Variants in AATK observed in about 807,000 individuals in gnomAD.
The protein encoded by AATK is lemur tail kinase 1.
In AATK, 91 loss-of-function variants were observed where a neutral mutation model predicts 114.3. The observed-to-expected ratio is 0.80, with a 90% CI of 0.67 to 0.95. The LOEUF (loss-of-function observed/expected upper bound fraction) is 0.95. Among genes scored for constraint, AATK ranks in the 40% least tolerant of loss-of-function variants. The pLI is 0.00. For synonymous variants in AATK, 1,075 were observed against 916.5 expected (o/e 1.17, Z -3.12); for missense variants, 2,176 against 1,965.2 (o/e 1.11, Z -2.03).
At chr17:81,119,705 G>C (rs8067526) in intron 12 of AATK, 125 bp from the exon 13 acceptor site, 42,010 of 778,006 alleles carry the variant, frequency 0.054, 2,085 homozygotes, top group African/African-American at 0.21. Context: ...CGCCTCCCAT[G>C]ATGTCACGGG....
intron 2 of AATK, among the ~76,000 whole-genome samples, chr17:81,133,878 G>T (rs925334818): frequency 2.0e-5 from 3 of 152,154 alleles, no homozygotes; most frequent in African/African-American, 7.2e-5. Flanking sequence ...AAGATACCCC[G>T]CGCAAGGTGA....
chr17:81,130,411 G>A (rs932591434), intron 3 of AATK, among the ~76,000 whole-genome samples: 1 of 152,180 alleles, frequency 6.6e-6, no homozygotes, highest in African/African-American at 2.4e-5. Flanking sequence ...TCCGCCCCAT[G>A]TGAGTGGTCG....
intron 1 of AATK, among the ~76,000 whole-genome samples, chr17:81,158,957 C>A (rs1318428197): frequency 6.6e-6 from 1 of 152,204 alleles, no homozygotes; most frequent in East Asian, 1.9e-4. Context: ...ACAGCGAAAA[C>A]CTCAGGGCCC....
chr17:81,148,132 G>A, intron 1 of AATK, among the ~76,000 whole-genome samples: 1 of 150,830 alleles, frequency 6.6e-6, no homozygotes, highest in Non-Finnish European at 1.5e-5. Flanking sequence ...AGCGTGAAGA[G>A]TTTGTCTTGG....
Position 81,120,936 on chromosome 17 carries a change from G to C in AATK, c.3000C>G (p.Asp1000Glu). The C allele has an allele frequency of 6.2e-7, 1 of 1,606,164 alleles. No individual in the cohort carries two copies. Residue 1000 changes from aspartate to glutamate, a missense_variant, in exon 11 of 14, where the codon GAC becomes GAG. Coordinates refer to ENST00000326724, the MANE Select transcript of AATK (RefSeq NM_001080395.3). ...NPYRDSAYFS[D>E]LEAEAEATSG... The stretch of plus-strand genomic sequence containing the variant: ...AGGTGGCCTCGGCCTCAGCCTCGAG[G>C]TCTGAGAAGTAGGCAGAGTCTCGGT...
rs777488225 is a variant in AATK, at chr17:81,131,182, G to A, written c.213C>T (p.Asp71=). The change falls in exon 3 of 14, where the codon GAC becomes GAT. Residue 71 remains aspartate, a synonymous_variant. Coordinates refer to ENST00000326724, the MANE Select transcript of AATK (RefSeq NM_001080395.3). ...CCTGCGCCAGGTCGGCTGCGTACTC[G>A]TCCCCCTCCGCATTCTCAAACTCCT... ...GFKEFENAEG[D]EYAADLAQGS... The A allele has an allele frequency of 2.2e-5, 34 of 1,580,692 alleles. No individual in the cohort carries two copies. Among genetic ancestry groups the A allele is most frequent in the Middle Eastern group, 3.3e-4 (2 of 6,050 alleles).
Position 81,123,267 on chromosome 17 carries a change from G to A in AATK, c.1039C>T (p.Leu347=). 7.1e-7 allele frequency: 1 copy of A among 1,405,198 alleles called. No homozygotes were observed. Among genetic ancestry groups the A allele is most frequent in the South Asian group, 1.6e-5 (1 of 63,522 alleles). 87.0% of individuals were successfully genotyped at this position (1,405,198 alleles called of 1,614,324 possible). ...PYPQHSDQQV[L]AYTVREQQLK... is the part of the protein sequence containing the mutation. The stretch of plus-strand genomic sequence containing the variant: ...TGCTGCTCCCGGACCGTGTACGCCA[G>A]CACCTGCTGGTCCGAGTGCTGGGGA... Residue 347 remains leucine, a synonymous_variant, in exon 10 of 14, where the codon CTG becomes TTG. Coordinates refer to ENST00000326724, the MANE Select transcript of AATK (RefSeq NM_001080395.3).
rs186584448 is a variant in AATK, at chr17:81,124,718, C to T, written c.962+9G>A. On this transcript the variant is annotated intron_variant, in intron 9 of 13. Transcript: ENST00000326724. ...CGGCCCCTCACGGTGCCACCAGGGC[C>T]GCACTCACCACACATTCCCGCTCTT... 7.6e-4 allele frequency: 1,227 copies of T among 1,612,270 alleles called. 11 individuals are homozygous for T. In the African/African-American group the frequency reaches 0.013, roughly 18 times the overall value.
intron 1 of AATK, among the ~76,000 whole-genome samples, chr17:81,147,264 G>C (rs974284053): frequency 1.3e-5 from 2 of 151,716 alleles, no homozygotes; most frequent in African/African-American, 4.8e-5. Flanking sequence ...GGGAGGCTGA[G>C]GCAGGAGAAT....
At chr17:81,128,828 G>A (rs1275671751) in intron 3 of AATK, 8 of 1,238,404 alleles carry the variant, frequency 6.5e-6, no homozygotes, top group Non-Finnish European at 7.2e-6. Flanking sequence ...AGCCCGGCCA[G>A]GGACAGCAGG....
chr17:81,126,755 C>T lies in AATK; in HGVS notation c.622-195G>A. 7.1e-7 allele frequency: 1 copy of T among 1,407,616 alleles called. No individual in the cohort carries two copies. Among genetic ancestry groups the T allele is most frequent in the Non-Finnish European group, 9.2e-7 (1 of 1,082,706 alleles). 87.2% of individuals were successfully genotyped at this position (1,407,616 alleles called of 1,614,324 possible). A position where few individuals can be genotyped will look rare whatever the true frequency, so the allele number is the denominator to read the frequency against. On this transcript the variant is annotated intron_variant, in intron 6 of 13. Coordinates refer to ENST00000326724, the MANE Select transcript of AATK (RefSeq NM_001080395.3). This position sits in a 1 kb window ranked among gnomAD's most constrained non-coding sequence, Gnocchi z 5.1. ...GGGGGCCGTGTCCCCCAGGGCTGGG[C>T]TGGACTGAAGGCTTCCTCTCCACTG...
At chr17:81,151,287 T>C (rs2061291643) in intron 1 of AATK, among the ~76,000 whole-genome samples, 2 of 110,692 alleles carry the variant, frequency 1.8e-5, no homozygotes, top group African/African-American at 3.4e-5. Flanking sequence ...GCCCCACCTG[T>C]CTCCCCCACC....
intron 1 of AATK, among the ~76,000 whole-genome samples, chr17:81,141,944 CTTCCTTCCT>C (rs745308810): frequency 2.2e-3 from 303 of 136,046 alleles, no homozygotes; most frequent in Non-Finnish European, 3.1e-3. Flanking sequence ...TCCTTCCTTC[CTTCCTTCCT>C]TTCCTTCCTT....
intron 1 of AATK, among the ~76,000 whole-genome samples, chr17:81,161,751 C>A (rs541205098): frequency 6.6e-6 from 1 of 152,292 alleles, no homozygotes; most frequent in Admixed American, 6.5e-5. Context: ...AGGACACCAG[C>A]CCACGCCAGA....
chr17:81,128,977 C>T (rs904362600), intron 3 of AATK: 11 of 1,001,618 alleles, frequency 1.1e-5, no homozygotes, highest in African/African-American at 3.4e-5. Flanking sequence ...GCCGGGCGCA[C>T]CAAAGGCTCC....
At chr17:81,136,549 C>A (rs1388079664) in intron 1 of AATK, among the ~76,000 whole-genome samples, 1 of 152,216 alleles carries the variant, frequency 6.6e-6, no homozygotes, top group Non-Finnish European at 1.5e-5. Context: ...GGACGCCATC[C>A]CATGCCTGGT....
chr17:81,138,641 A>T (rs1425966610), intron 1 of AATK, among the ~76,000 whole-genome samples: 1 of 104,784 alleles, frequency 9.5e-6, no homozygotes, highest in Non-Finnish European at 2.2e-5. Flanking sequence ...ATATCCACAC[A>T]TCCACACATA....
At position 81,127,872 on chromosome 17, in the gene AATK, G is replaced by A. The variant is rs1465107055; in HGVS notation, c.453C>T (p.Ala151=). Residue 151 remains alanine, a synonymous_variant, in exon 5 of 14, where the codon GCC becomes GCT. Transcript: ENST00000326724. The part of the protein sequence containing the change: ...LGEVNSGISS[A]QVVVKELQAS... ...CCTGCAGCTCCTTCACCACCACCTGGGCACTGCTGATGCCAGAGTTCACCT... is the reference window on the plus strand; with the variant it reads ...CCTGCAGCTCCTTCACCACCACCTGAGCACTGCTGATGCCAGAGTTCACCT... The A allele has an allele frequency of 6.5e-7, 1 of 1,549,182 alleles. No individual in the cohort carries two copies. The highest frequency in any genetic ancestry group is 1.2e-5 in the South Asian group (1 of 83,986).
rs772110351 is a variant in AATK at position 81,122,187 on chromosome 17, G to A, written c.1749C>T (p.Pro583=). Residue 583 remains proline (P), a synonymous_variant, in exon 11 of 14, where the codon CCC becomes CCT. Transcript: ENST00000326724. ...AMEPLLGHGP[P]VDVPWGRGDH... is the part of the protein sequence containing the mutation. ...CGCCGCGGCCCCAGGGGACGTCGAC[G>A]GGTGGCCCGTGGCCCAGCAGCGGCT... 1.3e-5 allele frequency: 19 copies of A among 1,508,308 alleles called. No homozygotes were observed. The highest frequency in any genetic ancestry group is 8.3e-5 in the Admixed American group (4 of 47,986). 93.4% of individuals were successfully genotyped at this position (1,508,308 alleles called of 1,614,324 possible).
Sources: gnomAD v4.1 joint callset for allele counts (sites outside exome capture counted in the v4.1 genomes callset) on GRCh38, gnomAD v4.1.1 for gene constraint, Gnocchi (gnomAD v3.1) non-coding constraint, MANE v1.5 for transcripts, NCBI Gene and HGNC (gene_info 2026-07-23, HGNC 2026-07-21) for gene names.